Variants in ARHGAP10 observed in about 807,000 individuals in gnomAD.
The protein encoded by ARHGAP10 is rho GTPase-activating protein 10.
A neutral mutation model predicts 108.6 loss-of-function variants in ARHGAP10; 87 were observed. That is an observed-to-expected ratio of 0.80 (90% CI 0.67 to 0.96). The LOEUF is 0.96. Among genes scored for constraint, ARHGAP10 ranks in the 40% least tolerant of loss-of-function variants. The probability of loss-of-function intolerance (pLI) is 0.00; values close to 1 mark genes in which losing one functional copy is unlikely to be tolerated. For synonymous variants in ARHGAP10, 347 were observed against 341.1 expected (o/e 1.02, Z -0.19); for missense variants, 939 against 954.5 (o/e 0.98, Z 0.21).
At chr4:148,021,458 G>A (rs1013030706) in intron 18 of ARHGAP10, among the ~76,000 whole-genome samples, 1 of 152,220 alleles carries the variant, frequency 6.6e-6, no homozygotes, top group Non-Finnish European at 1.5e-5. Context: ...CTGGCTGTGT[G>A]TATGGTTTGG....
In ARHGAP10 at chr4:148,063,208, A is replaced by C; in HGVS notation, c.2088A>C (p.Thr696=). The change falls in exon 21 of 23, where the codon ACA becomes ACC. Residue 696 remains threonine, a synonymous_variant. Transcript: ENST00000336498. ...TTAACCCACAGTCTCCAACCACAAC[A>C]AGCTCCAACTCAGCTGTGACACCTC... is the stretch of plus-strand genomic sequence containing the variant. ...QWLNPQSPTT[T]SSNSAVTPLS... is the part of the protein sequence containing the mutation. The C allele has an allele frequency of 1.2e-6, 2 of 1,614,110 alleles. No homozygotes were observed. Among genetic ancestry groups the C allele is most frequent in the South Asian group, 2.2e-5 (2 of 91,080 alleles).
At chr4:147,906,085 TC>T (rs554871444) in intron 10 of ARHGAP10, among the ~76,000 whole-genome samples, 272 of 152,340 alleles carry the variant, frequency 1.8e-3, no homozygotes, top group African/African-American at 6.2e-3. Context: ...TGATTTTGTA[TC>T]CTGAGACTTT....
intron 10 of ARHGAP10, among the ~76,000 whole-genome samples, chr4:147,886,382 C>T (rs911975864): frequency 2.1e-4 from 32 of 152,278 alleles, no homozygotes; most frequent in African/African-American, 7.5e-4. Context: ...GGTGTTCATT[C>T]CTTAGACTTT....
intron 11 of ARHGAP10, among the ~76,000 whole-genome samples, 155 bp from the exon 12 acceptor site, chr4:147,909,577 G>T (rs1529939): frequency 6.6e-6 from 1 of 152,182 alleles, no homozygotes; most frequent in African/African-American, 2.4e-5. Context: ...TCTGTGTCAG[G>T]AAGTGGGGAT....
At chr4:147,873,037 A>T (rs1733318687) in intron 7 of ARHGAP10, among the ~76,000 whole-genome samples, 2 of 152,218 alleles carry the variant, frequency 1.3e-5, no homozygotes. Flanking sequence ...GCCTGTGTTA[A>T]GGCTGAACTG....
intron 10 of ARHGAP10, among the ~76,000 whole-genome samples, chr4:147,887,117 C>T (rs886417366): frequency 3.3e-5 from 5 of 152,130 alleles, no homozygotes; most frequent in Admixed American, 2.0e-4. Context: ...TTTCCTCTCT[C>T]TCTTAAGCTC....
At chr4:148,043,723 CATAT>C (rs35862342) in intron 19 of ARHGAP10, among the ~76,000 whole-genome samples, 5 of 115,498 alleles carry the variant, frequency 4.3e-5, no homozygotes, top group African/African-American at 1.8e-4. Context: ...ATGCATTTTT[CATAT>C]ATATATGTGT....
chr4:147,880,828 G>A (rs1446820497), intron 9 of ARHGAP10, among the ~76,000 whole-genome samples: 9 of 152,130 alleles, frequency 5.9e-5, no homozygotes, highest in African/African-American at 7.2e-5. Flanking sequence ...TTAGGCTGAC[G>A]TGTATGGAAT....
At chr4:147,741,120 A>C (rs1728639758) in intron 1 of ARHGAP10, among the ~76,000 whole-genome samples, 1 of 152,206 alleles carries the variant, frequency 6.6e-6, no homozygotes, top group Non-Finnish European at 1.5e-5. Context: ...GACATTTAAA[A>C]GGACTTTGTT....
At chr4:147,983,425 T>A in intron 18 of ARHGAP10, among the ~76,000 whole-genome samples, 1 of 152,016 alleles carries the variant, frequency 6.6e-6, no homozygotes, top group East Asian at 1.9e-4. Flanking sequence ...GAGCTCGTGA[T>A]CCGCCCGCCT....
At chr4:147,874,459 T>A (rs1734978970) in intron 7 of ARHGAP10, among the ~76,000 whole-genome samples, 1 of 152,162 alleles carries the variant, frequency 6.6e-6, no homozygotes. Flanking sequence ...AGGTGAGATT[T>A]TTTTTCCCCC....
At chr4:147,935,926 T>C (rs950889725) in intron 13 of ARHGAP10, among the ~76,000 whole-genome samples, 2 of 152,210 alleles carry the variant, frequency 1.3e-5, no homozygotes, top group Admixed American at 1.3e-4. Flanking sequence ...TTCTCTCAGG[T>C]TGATGAATTT....
At chr4:147,949,933 G>A (rs1738532638) in intron 15 of ARHGAP10, among the ~76,000 whole-genome samples, 1 of 152,078 alleles carries the variant, frequency 6.6e-6, no homozygotes, top group Admixed American at 6.5e-5. Flanking sequence ...TAGTACATAG[G>A]ATTTCTTTTT....
chr4:147,942,252 ATTTAATT>A (rs1738188802), intron 14 of ARHGAP10, among the ~76,000 whole-genome samples: 1 of 152,170 alleles, frequency 6.6e-6, no homozygotes, highest in Non-Finnish European at 1.5e-5. Flanking sequence ...ATGGGAAATA[ATTTAATT>A]TTTAAGTATT....
At chr4:147,852,009 T>TA (rs1268105823) in intron 4 of ARHGAP10, among the ~76,000 whole-genome samples, 1 of 152,178 alleles carries the variant, frequency 6.6e-6, no homozygotes, top group Non-Finnish European at 1.5e-5. Context: ...AAATGAGACT[T>TA]ACGACACTTG....
intron 1 of ARHGAP10, among the ~76,000 whole-genome samples, chr4:147,756,385 A>T (rs556560671): frequency 3.2e-4 from 49 of 152,156 alleles, no homozygotes; most frequent in Non-Finnish European, 1.2e-4. Context: ...ACAGTTACAC[A>T]CTCTAGAGTG....
intron 16 of ARHGAP10, among the ~76,000 whole-genome samples, chr4:147,963,083 C>G (rs998684767): frequency 6.6e-6 from 1 of 152,330 alleles, no homozygotes; most frequent in East Asian, 1.9e-4. Context: ...AAATATAACT[C>G]TATTCATATC....
Position 148,064,468 on chromosome 4 carries a change from T to A in ARHGAP10, c.2233T>A (p.Ser745Thr). The A allele has an allele frequency of 2.5e-6, 4 of 1,614,170 alleles. No individual in the cohort carries two copies. Among genetic ancestry groups the A allele is most frequent in the Non-Finnish European group, 3.4e-6 (4 of 1,180,020 alleles). The change falls in exon 22 of 23, where the codon TCG becomes ACG. Residue 745 changes from serine to threonine, a missense_variant. Ser to Thr is a moderately conservative substitution (Grantham distance 58). Transcript: ENST00000336498. ...GTATCCGTGTGAAGCAGAACACAGC[T>A]CGGAATTATCTTTTGAAATAGGAGC... ...AVYPCEAEHS[S>T]ELSFEIGAIF...
intron 13 of ARHGAP10, among the ~76,000 whole-genome samples, chr4:147,932,538 C>T (rs1737746591): frequency 6.7e-6 from 1 of 150,258 alleles, no homozygotes; most frequent in African/African-American, 2.5e-5. Context: ...TTTTTCTTAG[C>T]AAAGTAATGC....
Sources: gnomAD v4.1 joint callset for allele counts (sites outside exome capture counted in the v4.1 genomes callset) on GRCh38, gnomAD v4.1.1 for gene constraint, MANE v1.5 for transcripts, NCBI Gene and HGNC (gene_info 2026-07-23, HGNC 2026-07-21) for gene names.